Variants in PCDH15 observed in about 807,000 individuals in gnomAD.
PCDH15 encodes the protein protocadherin related 15, also known as protocadherin-15.
Under a neutral mutation model 178.5 loss-of-function variants are expected in PCDH15, and 129 were observed. The observed-to-expected ratio is 0.72, with a 90% CI of 0.63 to 0.84. The LOEUF (loss-of-function observed/expected upper bound fraction) is 0.84, where lower values mean the gene tolerates loss of function less well. PCDH15 is among the 40% of genes least tolerant of loss of function. PCDH15 has a pLI of 0.00. For missense variants in PCDH15, 2,230 were observed against 2,099.9 expected, an observed-to-expected ratio of 1.06 and a Z score of -1.21; for synonymous variants, 800 against 732.0, an observed-to-expected ratio of 1.09 and a Z score of -1.50.
intron 2 of PCDH15, among the ~76,000 whole-genome samples, chr10:54,625,966 G>A (rs1262624803): frequency 1.3e-5 from 2 of 152,186 alleles, no homozygotes; most frequent in Non-Finnish European, 2.9e-5. Flanking sequence ...GGTGGTCTCA[G>A]TTGGAGATGA....
chr10:55,119,402 A>T (rs994376312), intron 2 of PCDH15, among the ~76,000 whole-genome samples: 1 of 152,090 alleles, frequency 6.6e-6, no homozygotes, highest in Non-Finnish European at 1.5e-5. Context: ...GAAAGGCCTA[A>T]TTCTGATAAA....
chr10:55,393,563 A>T lies in PCDH15; in HGVS notation c.-155-226912T>A, dbSNP rs140364122. On this transcript the variant is annotated intron_variant, in intron 2 of 5. Transcript: ENST00000613346. Reference sequence around the variant, plus strand: ...CCCTAAGGTTAAGGAAACAAAAGTTACCTATGGGTCAACGTTTCAGGGCCC... The same window carrying T: ...CCCTAAGGTTAAGGAAACAAAAGTTTCCTATGGGTCAACGTTTCAGGGCCC... Among the ~76,000 whole-genome samples the T allele has an allele frequency of 1.3e-3, 198 of 152,306 alleles. 3 individuals are homozygous for T. Among genetic ancestry groups the T allele is most frequent in the African/African-American group, 4.7e-3 (197 of 41,580 alleles).
rs892587828 is a variant in PCDH15 at position 55,558,113 on chromosome 10, A to T, written c.-156+69512T>A. 2.6e-5 allele frequency among the ~76,000 whole-genome samples: 4 copies of T among 152,020 alleles called. No individual in the cohort carries two copies. In the Admixed American group the frequency reaches 2.6e-4, roughly 10 times the overall value. ...GCTGGCATAATAGATGCCTCAGTGAAGAGACTGTGGTAGCAGAGATGGAGG... is the reference window on the plus strand; with the variant it reads ...GCTGGCATAATAGATGCCTCAGTGATGAGACTGTGGTAGCAGAGATGGAGG... On this transcript the variant is annotated intron_variant, in intron 2 of 5. Transcript: ENST00000613346.
At chr10:55,106,478 C>T (rs1842676963) in intron 2 of PCDH15, among the ~76,000 whole-genome samples, 3 of 152,068 alleles carry the variant, frequency 2.0e-5, no homozygotes, top group Non-Finnish European at 4.4e-5. Context: ...CAGTGGCGCA[C>T]GATCTCAGCT....
chr10:55,463,991 GAGAA>G (rs1225302628), intron 2 of PCDH15, among the ~76,000 whole-genome samples: 2,989 of 20,928 alleles, frequency 0.14, 417 homozygotes, highest in Non-Finnish European at 0.17. Context: ...AAGAAAGAAA[GAGAA>G]AGAAAGAAAG....
At chr10:54,327,036 A>G (rs1938276441) in intron 7 of PCDH15, among the ~76,000 whole-genome samples, 1 of 152,054 alleles carries the variant, frequency 6.6e-6, no homozygotes, top group Non-Finnish European at 1.5e-5. Context: ...TATCCCTGAA[A>G]TGCTAAAAAC....
chr10:54,100,217 T>C (rs570071778), intron 15 of PCDH15, among the ~76,000 whole-genome samples: 7 of 151,914 alleles, frequency 4.6e-5, no homozygotes, highest in African/African-American at 1.7e-4. Context: ...ACACAAAAAT[T>C]TGCCGGGCGT....
intron 2 of PCDH15, among the ~76,000 whole-genome samples, chr10:55,023,332 C>A (rs1840386661): frequency 6.6e-6 from 1 of 152,114 alleles, no homozygotes; most frequent in African/African-American, 2.4e-5. Context: ...AACTAATATT[C>A]AAATAAAACA....
intron 1 of PCDH15, among the ~76,000 whole-genome samples, chr10:55,286,539 C>G (rs1484544284): frequency 2.7e-5 from 4 of 150,412 alleles, no homozygotes; most frequent in Non-Finnish European, 5.9e-5. Context: ...TTCATTCATT[C>G]AGCAAATATT....
chr10:54,520,110 C>G (rs2082685518), intron 3 of PCDH15, among the ~76,000 whole-genome samples: 1 of 152,128 alleles, frequency 6.6e-6, no homozygotes, highest in Non-Finnish European at 1.5e-5. Context: ...CATAAAAACC[C>G]TAGAAGAAAA....
intron 2 of PCDH15, among the ~76,000 whole-genome samples, chr10:55,392,694 T>A (rs1837824859): frequency 6.6e-6 from 1 of 152,150 alleles, no homozygotes; most frequent in Non-Finnish European, 1.5e-5. Context: ...TATTTTTGGT[T>A]GCTGATATAA....
At chr10:54,577,396 A>T (rs1024943889) in intron 2 of PCDH15, among the ~76,000 whole-genome samples, 65 of 151,992 alleles carry the variant, frequency 4.3e-4, no homozygotes, top group Non-Finnish European at 7.1e-4. Context: ...CCGGCTGAAA[A>T]TTTTAATTTC....
In PCDH15 at chr10:55,046,305, G is replaced by A. The variant is rs75411075; in HGVS notation, c.-80+120271C>T. Among the ~76,000 whole-genome samples the A allele has an allele frequency of 1.8e-3, 273 of 152,028 alleles. 8 individuals carry two copies. In the East Asian group the frequency reaches 0.049, roughly 27 times the overall value. ...GAAGCTCCTCAGGCATATGAAAAAC[G>A]AAAGAAATCTCACAGATATTTCACA... is the stretch of plus-strand genomic sequence containing the variant. On this transcript the variant is annotated intron_variant, in intron 2 of 5. Transcript: ENST00000458638.
chr10:54,841,782 C>A (rs1477397434), intron 3 of PCDH15, among the ~76,000 whole-genome samples: 1 of 151,654 alleles, frequency 6.6e-6, no homozygotes, highest in Non-Finnish European at 1.5e-5. Flanking sequence ...ATTAACATTT[C>A]AATTAAATAT....
intron 15 of PCDH15, among the ~76,000 whole-genome samples, chr10:54,123,134 C>T (rs181505299): frequency 1.2e-4 from 19 of 152,046 alleles, no homozygotes; most frequent in African/African-American, 3.9e-4. Flanking sequence ...ATTAAGTCCT[C>T]GAAAGCAATT....
At chr10:54,235,284 G>A (rs2054513718) in intron 9 of PCDH15, among the ~76,000 whole-genome samples, 1 of 152,084 alleles carries the variant, frequency 6.6e-6, no homozygotes, top group Non-Finnish European at 1.5e-5. Context: ...AATGTTTATT[G>A]CCTATCTCTT....
chr10:55,601,118 A>G (rs542328113), intron 2 of PCDH15, among the ~76,000 whole-genome samples: 5 of 152,146 alleles, frequency 3.3e-5, no homozygotes, highest in African/African-American at 4.8e-5. Context: ...CTCACAGAGG[A>G]ATTACACACA....
intron 2 of PCDH15, among the ~76,000 whole-genome samples, chr10:54,538,702 C>T (rs187870814): frequency 8.5e-5 from 13 of 152,124 alleles, no homozygotes; most frequent in African/African-American, 3.1e-4. Context: ...TGAGTGAATT[C>T]ACACAAGATC....
chr10:55,217,180 T>C (rs1840729207), intron 1 of PCDH15, among the ~76,000 whole-genome samples: 1 of 151,904 alleles, frequency 6.6e-6, no homozygotes. Context: ...TAAATTGCTG[T>C]TAAAGCAATG....
Sources: allele counts gnomAD v4.1 joint callset (sites outside exome capture counted in the v4.1 genomes callset), GRCh38; gene constraint gnomAD v4.1.1; transcripts MANE v1.5; gene names NCBI Gene and HGNC (gene_info 2026-07-23, HGNC 2026-07-21).